The following RANBP1 variants were observed in gnomAD, a reference collection of about 807,000 sequenced individuals.
The protein encoded by RANBP1 is RAN binding protein 1.
A neutral mutation model predicts 31.4 loss-of-function variants in RANBP1; 16 were observed. The ratio of observed to expected loss-of-function variants is 0.51; its 90% CI spans 0.34 to 0.77. The LOEUF (loss-of-function observed/expected upper bound fraction) is 0.77. Among genes scored for constraint, RANBP1 ranks in the 30% least tolerant of loss-of-function variants. RANBP1 has a pLI of 0.01. For missense variants in RANBP1, 265 were observed against 362.0 expected (o/e 0.73, Z 2.17); for synonymous variants, 129 against 140.5 (o/e 0.92, Z 0.58).
chr22:20,119,312 A>C, intron 2 of RANBP1, 163 bp downstream of exon 2: 1 of 666,606 alleles, frequency 1.5e-6, no homozygotes, highest in Non-Finnish European at 2.6e-6. Context: ...CGTTCCTTTC[A>C]TGAATCTTCA....
At chr22:20,124,603 T>G (rs529606404) in intron 3 of RANBP1, 1 of 153,204 alleles carries the variant, frequency 6.5e-6, no homozygotes, top group African/African-American at 2.4e-5. Context: ...TGGGGCTGCC[T>G]GTGCCTGGGG....
At chr22:20,118,150 C>G (rs887193198) in intron 1 of RANBP1, 6 of 1,001,262 alleles carry the variant, frequency 6.0e-6, no homozygotes, top group Middle Eastern at 3.8e-4. Flanking sequence ...TGCGCCGACC[C>G]AGGCGGCGGC....
At chr22:20,125,592 A>G (rs1352895491) in intron 4 of RANBP1, 156 bp downstream of exon 4, 4 of 1,522,038 alleles carry the variant, frequency 2.6e-6, no homozygotes, top group Admixed American at 2.0e-5. Flanking sequence ...TTTGGGGGCC[A>G]TGCCCAGACT....
Position 20,122,265 on chromosome 22 carries a change from C to T in RANBP1, c.385C>T (p.Arg129Trp). 1 of 1,612,026 alleles carries T rather than the reference C, an allele frequency of 6.2e-7. No homozygotes were observed. Among genetic ancestry groups the T allele is most frequent in the Non-Finnish European group, 8.5e-7 (1 of 1,178,980 alleles). Residue 129 changes from arginine (R) to tryptophan (W), a missense_variant and splice_region_variant, in exon 3 of 6, where the codon CGG becomes TGG. Physicochemically the swap from Arg to Trp is moderately radical, Grantham distance 101. Around this residue, in one of 3 missense-constraint regions of RANBP1, gnomAD observed 90 missense variants for 190.5 expected, o/e 0.47. Transcript: ENST00000430524. ...TTAACCTCACGGCTTTTCTTGCAGG[C>T]GGGCAAAACTGTTCCGATTTGCCTC... is the stretch of plus-strand genomic sequence containing the variant. ...EEDEEELFKM[R>W]AKLFRFASEN...
chr22:20,127,209 T>G lies in RANBP1; in HGVS notation c.*157T>G. 1.8e-6 allele frequency: 1 copy of G among 547,276 alleles called. No individual in the cohort carries two copies. Among genetic ancestry groups the G allele is most frequent in the Non-Finnish European group, 3.0e-6 (1 of 328,956 alleles). The allele number at this position is 547,276 out of a possible 1,614,324, so 33.9% of individuals were successfully genotyped here. ...CATTCAGGTTGTTTTTTTTTTTTGT[T>G]TCTAAGTTTTTGCCCTATTGAAGAT... On this transcript the variant is annotated 3_prime_UTR_variant, in exon 6 of 6. Coordinates refer to ENST00000430524, the MANE Select transcript of RANBP1 (RefSeq NM_001278639.2).
chr22:20,127,349 A>G lies in RANBP1; in HGVS notation c.*297A>G. On this transcript the variant is annotated 3_prime_UTR_variant, in exon 6 of 6. Transcript: ENST00000430524. ...ATAGTGAATAAAAAACACATTTGGA[A>G]CCTGGGCCAGATGGCAGGACTGTGT... 1 of 273,862 alleles carries G rather than the reference A, an allele frequency of 3.7e-6. No individual in the cohort carries two copies. The highest frequency in any genetic ancestry group is 7.1e-6 in the Non-Finnish European group (1 of 140,948). The allele number at this position is 273,862 out of a possible 1,614,324, so 17.0% of individuals were successfully genotyped here.
rs1393208667 is a variant in RANBP1 at position 20,119,031 on chromosome 22, G to C, written c.265G>C (p.Asp89His). ...TCCACAGGACACTCATGAGGACCATGATACTTCCACTGAGAATACAGACGA... is the reference window on the plus strand; with the variant it reads ...TCCACAGGACACTCATGAGGACCATCATACTTCCACTGAGAATACAGACGA... ...KISEDTHEDH[D>H]TSTENTDESN... Residue 89 changes from aspartate to histidine, a missense_variant, in exon 2 of 6, where the codon GAT becomes CAT. Around this residue, in one of 3 missense-constraint regions of RANBP1, gnomAD observed 126 missense variants for 123.6 expected, o/e 1.02. Transcript: ENST00000430524. The C allele has an allele frequency of 1.9e-6, 3 of 1,612,868 alleles. No homozygotes were observed. The highest frequency in any genetic ancestry group is 3.3e-5 in the Admixed American group (2 of 60,002).
rs2050314194 is a variant in RANBP1 at position 20,126,969 on chromosome 22, G to T, written c.754G>T (p.Asp252Tyr). The change falls in exon 6 of 6, where the codon GAT (aspartate) becomes TAT (tyrosine). Residue 252 changes from aspartate (D) to tyrosine (Y), a missense_variant. Asp to Tyr is a radical substitution (Grantham distance 160). Around this residue, in one of 3 missense-constraint regions of RANBP1, gnomAD observed 49 missense variants for 47.9 expected, o/e 1.02. Transcript: ENST00000430524. ...REKKAGSGKNDHAEKVAEKLE... is the reference protein window; with the variant it reads ...REKKAGSGKNYHAEKVAEKLE... ...GTTTTTAGCAGGATCAGGCAAAAAT[G>T]ATCATGCCGAAAAAGTGGCGGAAAA... is the stretch of plus-strand genomic sequence containing the variant. 2 of 1,613,480 alleles carry T rather than the reference G, an allele frequency of 1.2e-6. No homozygotes were observed. Among genetic ancestry groups the T allele is most frequent in the Non-Finnish European group, 1.7e-6 (2 of 1,179,714 alleles).
chr22:20,121,301 G>A (rs1303314470), intron 2 of RANBP1, among the ~76,000 whole-genome samples: 1 of 151,836 alleles, frequency 6.6e-6, no homozygotes, highest in African/African-American at 2.4e-5. Flanking sequence ...CCAGGCTGGT[G>A]CGCAATGGTG....
Position 20,127,271 on chromosome 22 carries a change from A to G in RANBP1, c.*219A>G, listed in dbSNP as rs575049780. 5.2e-6 allele frequency: 2 copies of G among 384,148 alleles called. No homozygotes were observed. Among genetic ancestry groups the G allele is most frequent in the Admixed American group, 8.4e-5 (2 of 23,750 alleles). The allele number at this position is 384,148 out of a possible 1,614,324, so 23.8% of individuals were successfully genotyped here. ...ATCCATTCCCCAGTCATGAAAATGT[A>G]CTGTGCTAACTTTCTTTTCCATAGT... On this transcript the variant is annotated 3_prime_UTR_variant, in exon 6 of 6. Coordinates refer to ENST00000430524, the MANE Select transcript of RANBP1 (RefSeq NM_001278639.2).
intron 1 of RANBP1, among the ~76,000 whole-genome samples, chr22:20,118,614 C>G (rs768064557): frequency 5.9e-5 from 9 of 152,210 alleles, no homozygotes; most frequent in African/African-American, 2.2e-4. Flanking sequence ...ATCATTGTGT[C>G]CTTTGATCTT....
At chr22:20,126,396 T>C (rs1368923054) in intron 5 of RANBP1, 28 bp downstream of exon 5, 1 of 1,613,808 alleles carries the variant, frequency 6.2e-7, no homozygotes, top group Non-Finnish European at 8.5e-7. Flanking sequence ...GTTGGGGGGC[T>C]TCTTTGCAGA....
At chr22:20,123,588 C>T (rs1246968274) in intron 3 of RANBP1, among the ~76,000 whole-genome samples, 1 of 151,846 alleles carries the variant, frequency 6.6e-6, no homozygotes, top group Non-Finnish European at 1.5e-5. Context: ...TGTGTTCTAC[C>T]CTCACCAGGA....
intron 4 of RANBP1, 139 bp from the exon 5 acceptor site, chr22:20,126,164 G>C (rs1860399686): frequency 9.8e-7 from 1 of 1,025,626 alleles, no homozygotes; most frequent in Non-Finnish European, 1.4e-6. Flanking sequence ...CAGGGCCGAT[G>C]TCAGGTGGAC....
In RANBP1 at chr22:20,126,292, CCCTT is replaced by C. The variant is rs2050296248; in HGVS notation, c.671-8_671-5del. On this transcript the variant is annotated splice_polypyrimidine_tract_variant and splice_region_variant and intron_variant, in intron 4 of 5. Coordinates refer to ENST00000430524, the MANE Select transcript of RANBP1 (RefSeq NM_001278639.2). ...ACAGCTCTTAGGAAGTCTTCGCTCT[CCCTT>C]CCACAGATGCACAGAAATTCAAAAC... 3 of 1,611,764 alleles carry C rather than the reference CCCTT, an allele frequency of 1.9e-6. No individual in the cohort carries two copies. The highest frequency in any genetic ancestry group is 2.5e-6 in the Non-Finnish European group (3 of 1,179,046).
chr22:20,122,722 G>T (rs1568982453), intron 3 of RANBP1: 1 of 913,192 alleles, frequency 1.1e-6, no homozygotes, highest in Admixed American at 3.2e-5. Flanking sequence ...GCGAGGGGGT[G>T]CTGTGTGTGT....
At chr22:20,118,750 G>A (rs1011757137) in intron 1 of RANBP1, among the ~76,000 whole-genome samples, 1 of 152,208 alleles carries the variant, frequency 6.6e-6, no homozygotes, top group African/African-American at 2.4e-5. Context: ...ATCAGTCTGT[G>A]CACAGATCTG....
intron 4 of RANBP1, 32 bp from the exon 5 acceptor site, chr22:20,126,271 C>G (rs375699055): frequency 9.2e-5 from 147 of 1,602,234 alleles, no homozygotes; most frequent in East Asian, 7.6e-4. Flanking sequence ...CTGCTCACAG[C>G]TCTTAGGAAG....
chr22:20,116,500 C>T, intron 1 of RANBP1, 70 bp downstream of exon 1: 2 of 1,612,742 alleles, frequency 1.2e-6, no homozygotes, highest in Non-Finnish European at 1.7e-6. Flanking sequence ...CGCCCCAGCG[C>T]CCTCTTTCTC....
Sources: gnomAD v4.1 joint callset for allele counts (sites outside exome capture counted in the v4.1 genomes callset) on GRCh38, gnomAD v4.1.1 for gene constraint, gnomAD v4.1.1 regional missense constraint, MANE v1.5 for transcripts, NCBI Gene and HGNC (gene_info 2026-07-23, HGNC 2026-07-21) for gene names.